Variants in TRIM37 observed in about 807,000 individuals in gnomAD.
TRIM37 encodes the protein tripartite motif containing 37.
Under a neutral mutation model 129.8 loss-of-function variants are expected in TRIM37, and 80 were observed. The ratio of observed to expected loss-of-function variants is 0.62; its 90% CI spans 0.51 to 0.74. TRIM37 has a LOEUF of 0.74. Ranked by LOEUF, TRIM37 falls within the 30% of genes least tolerant of loss-of-function variation. TRIM37 has a pLI of 0.00. For synonymous variants in TRIM37, 389 were observed against 387.1 expected (o/e 1.00, Z -0.06); for missense variants, 1,054 against 1,176.5 (o/e 0.90, Z 1.52).
At chr17:59,000,258 A>T (rs1356652439) in intron 23 of TRIM37, among the ~76,000 whole-genome samples, 3 of 152,234 alleles carry the variant, frequency 2.0e-5, no homozygotes, top group African/African-American at 7.2e-5. Flanking sequence ...TTTAAATAAC[A>T]TACAAATATA....
At chr17:59,043,606 C>T (rs1458518438) in intron 16 of TRIM37, among the ~76,000 whole-genome samples, 1 of 152,184 alleles carries the variant, frequency 6.6e-6, no homozygotes, top group African/African-American at 2.4e-5. Flanking sequence ...TGCTATAGTA[C>T]AGGCACACAC....
intron 22 of TRIM37, among the ~76,000 whole-genome samples, chr17:59,007,291 T>C (rs1037779085): frequency 2.8e-5 from 4 of 141,638 alleles, no homozygotes; most frequent in Non-Finnish European, 6.1e-5. Context: ...TCCTGAAAAC[T>C]GCTCTACCAC....
At chr17:59,079,393 T>C (rs1337678435) in intron 7 of TRIM37, among the ~76,000 whole-genome samples, 3 of 152,174 alleles carry the variant, frequency 2.0e-5, no homozygotes, top group Non-Finnish European at 4.4e-5. Context: ...ATGACGCCGA[T>C]GTTTACAAAT....
chr17:59,052,382 TC>T (rs1568102776), intron 13 of TRIM37, among the ~76,000 whole-genome samples: 1 of 152,166 alleles, frequency 6.6e-6, no homozygotes, highest in Non-Finnish European at 1.5e-5. Context: ...TCTCTCTCAT[TC>T]CTTCCAGCCC....
chr17:58,971,595 C>T, the TRIM37 span, among the ~76,000 whole-genome samples: 13 of 152,168 alleles, frequency 8.5e-5, no homozygotes, highest in African/African-American at 4.8e-5. Context: ...CTCCAGGGAA[C>T]GTAAGCTGTC....
intron 22 of TRIM37, 75 bp downstream of exon 22, chr17:59,012,251 CCA>C: frequency 2.1e-6 from 2 of 949,138 alleles, no homozygotes; most frequent in Non-Finnish European, 1.7e-6. Context: ...ACCACCACCA[CCA>C]CCACCCACCA....
chr17:58,999,188 T>A lies in TRIM37; in HGVS notation c.*189A>T. On this transcript the variant is annotated 3_prime_UTR_variant, in exon 24 of 24. Coordinates refer to ENST00000262294, the MANE Select transcript of TRIM37 (RefSeq NM_015294.6). The stretch of plus-strand genomic sequence containing the variant: ...CAAAGAACTCTTCCCATACTGTTTT[T>A]CCCATGTACTACTGCTGTCTTAGAC... 1 of 1,441,312 alleles carries A rather than the reference T, an allele frequency of 6.9e-7. No homozygotes were observed. Among genetic ancestry groups the A allele is most frequent in the Non-Finnish European group, 9.1e-7 (1 of 1,101,352 alleles). The allele number at this position is 1,441,312 out of a possible 1,614,324, so 89.3% of individuals were successfully genotyped here. A position where few individuals can be genotyped will look rare whatever the true frequency, so the allele number is the denominator to read the frequency against.
chr17:59,086,632 A>G lies in TRIM37; in HGVS notation c.281+1659T>C, dbSNP rs76731548. Among the ~76,000 whole-genome samples, 90 of 152,380 alleles carry G rather than the reference A, an allele frequency of 5.9e-4. 1 individual carries two copies. In the East Asian group the frequency reaches 0.017, roughly 29 times the overall value. ...AGTTTATATTTTATATTTCTAATTC[A>G]TAAGTAATCAGAATATAAAATGGGA... On this transcript the variant is annotated intron_variant, in intron 4 of 23. Coordinates refer to ENST00000262294, the MANE Select transcript of TRIM37 (RefSeq NM_015294.6).
chr17:59,091,555 ACAT>A (rs375159674), intron 2 of TRIM37, among the ~76,000 whole-genome samples: 4 of 5,326 alleles, frequency 7.5e-4, no homozygotes, highest in African/African-American at 5.7e-3. Flanking sequence ...AATATATTAT[ACAT>A]TATATATATA....
chr17:58,985,028 T>A (rs1422974700), intron 24 of TRIM37: 2 of 152,644 alleles, frequency 1.3e-5, no homozygotes, highest in African/African-American at 4.8e-5. Context: ...CCAAATAAAT[T>A]TATCAATTTA....
chr17:59,098,923 G>A (rs1401453402), intron 2 of TRIM37, among the ~76,000 whole-genome samples: 9 of 151,998 alleles, frequency 5.9e-5, no homozygotes, highest in Non-Finnish European at 8.8e-5. Flanking sequence ...GTGGCTCAAC[G>A]CCTGTAATCC....
chr17:59,010,226 T>C (rs914211968), intron 22 of TRIM37, among the ~76,000 whole-genome samples: 1 of 152,194 alleles, frequency 6.6e-6, no homozygotes. Flanking sequence ...AGGAAACATG[T>C]GGCAATGACT....
intron 17 of TRIM37, among the ~76,000 whole-genome samples, chr17:59,033,948 A>T (rs987204776): frequency 1.3e-5 from 2 of 151,754 alleles, no homozygotes; most frequent in Admixed American, 1.3e-4. Flanking sequence ...TGAAACCAAA[A>T]TACAAAAGAA....
chr17:59,057,610 G>GC (rs936551005), intron 12 of TRIM37, among the ~76,000 whole-genome samples: 1 of 152,146 alleles, frequency 6.6e-6, no homozygotes, highest in Non-Finnish European at 1.5e-5. Flanking sequence ...TGCAACCTCT[G>GC]CCCCCCAGTT....
intron 8 of TRIM37, among the ~76,000 whole-genome samples, chr17:59,072,531 C>T (rs1490563872): frequency 1.3e-5 from 2 of 151,882 alleles, no homozygotes; most frequent in Admixed American, 6.6e-5. Flanking sequence ...AGTTCAAGAC[C>T]TCATGACCTG....
At chr17:59,022,087 G>C (rs57086128) in intron 19 of TRIM37, among the ~76,000 whole-genome samples, 2,771 of 152,084 alleles carry the variant, frequency 0.018, 80 homozygotes, top group African/African-American at 0.063. Context: ...TAATTTTATA[G>C]CATAGAAAAG....
rs1360377175 is a variant in TRIM37 at position 59,015,675 on chromosome 17, A to T, written c.2511T>A (p.Ala837=). 3.1e-6 allele frequency: 5 copies of T among 1,614,176 alleles called. No homozygotes were observed. Among genetic ancestry groups the T allele is most frequent in the Non-Finnish European group, 1.7e-6 (2 of 1,180,028 alleles). The change falls in exon 21 of 24, where the codon GCT becomes GCA. Residue 837 remains alanine, a synonymous_variant. Coordinates refer to ENST00000262294, the MANE Select transcript of TRIM37 (RefSeq NM_015294.6). Reference sequence around the variant, plus strand: ...AGCCACTGAAAACTGCAACCACAACAGCATCTGAATCCAAAGCTTTACACT... The same window carrying T: ...AGCCACTGAAAACTGCAACCACAACTGCATCTGAATCCAAAGCTTTACACT... ...DRQCKALDSD[A]VVVAVFSGLP...
chr17:59,066,033 T>C (rs997555767), intron 9 of TRIM37, among the ~76,000 whole-genome samples: 11 of 152,146 alleles, frequency 7.2e-5, no homozygotes, highest in African/African-American at 2.4e-4. Context: ...CATCCCCATA[T>C]CCTTTTGCCT....
downstream of TRIM37, chr17:58,980,864 G>A (rs2031316036): frequency 6.2e-7 from 1 of 1,613,978 alleles, no homozygotes; most frequent in Admixed American, 1.7e-5. The surrounding 1 kb of genome is among the most constrained non-coding windows in gnomAD (Gnocchi z 4.7). Flanking sequence ...CCACAAAATA[G>A]GCACTAGCCT....
Sources: allele counts gnomAD v4.1 joint callset (sites outside exome capture counted in the v4.1 genomes callset), GRCh38; gene constraint gnomAD v4.1.1; non-coding constraint Gnocchi (gnomAD v3.1); transcripts MANE v1.5; gene names NCBI Gene and HGNC (gene_info 2026-07-23, HGNC 2026-07-21).